DAB2IP: variants seen among roughly 807,000 people sequenced by gnomAD.
DAB2IP encodes DAB2 interacting protein.
A neutral mutation model predicts 107.2 loss-of-function variants in DAB2IP; 28 were observed. The observed-to-expected ratio is 0.26, with a 90% CI of 0.19 to 0.36. The LOEUF (loss-of-function observed/expected upper bound fraction) is 0.36. Among genes scored for constraint, DAB2IP ranks in the 10% least tolerant of loss-of-function variants. DAB2IP has a pLI of 1.00. For synonymous variants in DAB2IP, 755 were observed against 706.4 expected, an observed-to-expected ratio of 1.07 and a Z score of -1.09; for missense variants, 1,400 against 1,644.7, an observed-to-expected ratio of 0.85 and a Z score of 2.57.
chr9:121,759,950 C>T, exon 6 of DAB2IP: 5 of 1,614,142 alleles, frequency 3.1e-6, no homozygotes, highest in Non-Finnish European at 3.4e-6. Flanking sequence ...ACCTGCCAGC[C>T]AAGAAGAAGT....
rs1398485399 is a variant in DAB2IP at position 121,760,786 on chromosome 9, G to A, written c.1170+347G>A. ...TGGCCACGGCTCTCCCAGCACACAG[G>A]TCCCACAACGCCACCAGCCGCAGTG... On this transcript the variant is annotated intron_variant, in intron 6 of 15. Coordinates refer to ENST00000408936, the Ensembl canonical transcript of DAB2IP. This position sits in a 1 kb window ranked among gnomAD's most constrained non-coding sequence, Gnocchi z 5.9. 6.6e-6 allele frequency among the ~76,000 whole-genome samples: 1 copy of A among 152,200 alleles called. No homozygotes were observed. Among genetic ancestry groups the A allele is most frequent in the East Asian group, 1.9e-4 (1 of 5,180 alleles).
chr9:121,774,391 C>G (rs539727039), exon 13 of DAB2IP: 2 of 1,611,690 alleles, frequency 1.2e-6, no homozygotes, highest in Non-Finnish European at 1.7e-6. Context: ...GGAGTAAGGA[C>G]GAGCTCAGCC....
chr9:121,763,709 C>G (rs764734066), intron 7 of DAB2IP, 26 bp from the exon 8 acceptor site: 4 of 1,612,680 alleles, frequency 2.5e-6, no homozygotes, highest in Non-Finnish European at 2.5e-6. Flanking sequence ...GTCCTCACTC[C>G]CCACTCCCTG....
intron 3 of DAB2IP, among the ~76,000 whole-genome samples, chr9:121,707,199 G>C (rs925272181): frequency 8.5e-5 from 13 of 152,326 alleles, no homozygotes; most frequent in Admixed American, 5.9e-4. Flanking sequence ...GGCATTTAGA[G>C]TTGGCCTGTG....
intron 2 of DAB2IP, among the ~76,000 whole-genome samples, chr9:121,682,793 C>T (rs190064498): frequency 6.6e-6 from 1 of 152,328 alleles, no homozygotes; most frequent in East Asian, 1.9e-4. Context: ...TGCACAGCCT[C>T]ATACCAGCTT....
At chr9:121,595,626 A>G (rs930310590) in intron 1 of DAB2IP, among the ~76,000 whole-genome samples, 1 of 151,524 alleles carries the variant, frequency 6.6e-6, no homozygotes, top group African/African-American at 2.4e-5. Context: ...GAAAAGAAGA[A>G]GAAGAAAGAA....
chr9:121,656,135 A>C (rs746190062), intron 1 of DAB2IP, among the ~76,000 whole-genome samples: 4 of 151,694 alleles, frequency 2.6e-5, no homozygotes, highest in Non-Finnish European at 2.9e-5. Flanking sequence ...CAGCCTCCCG[A>C]GTAGCTGGGA....
chr9:121,611,543 C>G (rs1039646036), intron 1 of DAB2IP, among the ~76,000 whole-genome samples: 3 of 152,020 alleles, frequency 2.0e-5, no homozygotes, highest in Non-Finnish European at 4.4e-5. Context: ...CTATAAATTG[C>G]GGATAATAAT....
At chr9:121,739,143 G>A (rs1342677665) in intron 3 of DAB2IP, among the ~76,000 whole-genome samples, 1 of 152,210 alleles carries the variant, frequency 6.6e-6, no homozygotes, top group African/African-American at 2.4e-5. Flanking sequence ...ATGGGGGCAG[G>A]GCAGGACCTG....
In DAB2IP at chr9:121,684,927, A is replaced by C. The variant is rs560761008; in HGVS notation, c.228+6146A>C. Among the ~76,000 whole-genome samples, 5 of 152,258 alleles carry C rather than the reference A, an allele frequency of 3.3e-5. No individual in the cohort carries two copies. In the East Asian group the frequency reaches 9.7e-4, roughly 29 times the overall value. On this transcript the variant is annotated intron_variant, in intron 2 of 15. Coordinates refer to ENST00000408936, the Ensembl canonical transcript of DAB2IP. The surrounding 1 kb of genome is among the most constrained non-coding windows in gnomAD (Gnocchi z 4.0). ...GACATATTTATGTTTGTGGCCCATC[A>C]ACCAGTGGAGGGATGTCAGCCACGT...
chr9:121,686,731 C>A (rs938419457), intron 2 of DAB2IP, among the ~76,000 whole-genome samples: 1 of 152,208 alleles, frequency 6.6e-6, no homozygotes, highest in African/African-American at 2.4e-5. Flanking sequence ...CCCCTCCCCA[C>A]AGAGTGGCTG....
At chr9:121,581,099 T>C (rs182807856) in intron 1 of DAB2IP, among the ~76,000 whole-genome samples, 1 of 152,026 alleles carries the variant, frequency 6.6e-6, no homozygotes, top group East Asian at 1.9e-4. Context: ...AGGAACAGGG[T>C]TGTGCTGGGT....
At chr9:121,753,621 AG>A (rs1461378199) in intron 3 of DAB2IP, among the ~76,000 whole-genome samples, 1 of 152,086 alleles carries the variant, frequency 6.6e-6, no homozygotes, top group Non-Finnish European at 1.5e-5. Flanking sequence ...CTCCTCCCTG[AG>A]CCTGTCATAC....
chr9:121,727,158 C>T (rs1053628003), intron 3 of DAB2IP, among the ~76,000 whole-genome samples: 7 of 152,198 alleles, frequency 4.6e-5, no homozygotes, highest in South Asian at 2.1e-4. Context: ...CCTGGACACT[C>T]GTTACCCCCT....
At chr9:121,646,799 C>T (rs974054021), upstream of DAB2IP, among the ~76,000 whole-genome samples, 5 of 152,108 alleles carry the variant, frequency 3.3e-5, no homozygotes, top group Non-Finnish European at 7.4e-5. Context: ...TCCACTCCCC[C>T]GTCTCTGCAT....
chr9:121,660,511 G>A (rs1268202767), intron 1 of DAB2IP, among the ~76,000 whole-genome samples: 1 of 152,194 alleles, frequency 6.6e-6, no homozygotes, highest in Non-Finnish European at 1.5e-5. Context: ...GAGGCCGGCA[G>A]GTGCAGGATG....
chr9:121,614,371 C>G (rs1351333265), intron 1 of DAB2IP, among the ~76,000 whole-genome samples: 1 of 122,740 alleles, frequency 8.1e-6, no homozygotes, highest in Non-Finnish European at 1.6e-5. Flanking sequence ...GAGGGAGTCT[C>G]GCTCTGTTGC....
chr9:121,773,298 C>G, exon 12 of DAB2IP: 1 of 1,515,236 alleles, frequency 6.6e-7, no homozygotes, highest in African/African-American at 1.4e-5. Flanking sequence ...TCCGCCCCCA[C>G]CCCCGCCGCC....
intron 1 of DAB2IP, among the ~76,000 whole-genome samples, chr9:121,608,973 G>A (rs564765701): frequency 2.0e-4 from 30 of 152,218 alleles, no homozygotes; most frequent in African/African-American, 6.0e-4. Flanking sequence ...ACAGCGTCTC[G>A]CTCTGTCGCC....
Sources: allele counts gnomAD v4.1 joint callset (sites outside exome capture counted in the v4.1 genomes callset), GRCh38; gene constraint gnomAD v4.1.1; non-coding constraint Gnocchi (gnomAD v3.1); transcripts MANE v1.5; gene names NCBI Gene and HGNC (gene_info 2026-07-23, HGNC 2026-07-21).